The following PHF19 variants were observed in gnomAD, a reference collection of about 807,000 sequenced individuals.
PHF19 encodes the protein polycomb like 3.
A neutral mutation model predicts 79.8 loss-of-function variants in PHF19; 21 were observed. That is an observed-to-expected ratio of 0.26 (90% CI 0.19 to 0.38). The LOEUF (loss-of-function observed/expected upper bound fraction) is 0.38, where lower values mean the gene tolerates loss of function less well. Among genes scored for constraint, PHF19 ranks in the 10% least tolerant of loss-of-function variants. PHF19 has a pLI of 1.00. For missense variants in PHF19, 445 were observed against 744.2 expected, an observed-to-expected ratio of 0.60 and a Z score of 4.68; for synonymous variants, 273 against 296.3, an observed-to-expected ratio of 0.92 and a Z score of 0.81.
chr9:120,856,096 C>G lies in PHF19; in HGVS notation c.*1848G>C, dbSNP rs1352388037. The G allele has an allele frequency of 6.5e-6, 1 of 152,710 alleles. No individual in the cohort carries two copies. Among genetic ancestry groups the G allele is most frequent in the Non-Finnish European group, 1.5e-5 (1 of 68,112 alleles). 9.5% of individuals were successfully genotyped at this position (152,710 alleles called of 1,614,324 possible). A position where few individuals can be genotyped will look rare whatever the true frequency, so the allele number is the denominator to read the frequency against. The stretch of plus-strand genomic sequence containing the variant: ...TGGGCTAGGGGTTGGCTTCTCAGCT[C>G]CCCTTCCACCTGGCCCTAGTTGGCC... On this transcript the variant is annotated 3_prime_UTR_variant, in exon 15 of 15. Transcript: ENST00000373896.
At position 120,870,743 on chromosome 9, in the gene PHF19, C is replaced by A. The variant is rs966786715; in HGVS notation, c.269-205G>T. Among the ~76,000 whole-genome samples the A allele has an allele frequency of 1.3e-5, 2 of 152,160 alleles. No individual in the cohort carries two copies. Among genetic ancestry groups the A allele is most frequent in the Non-Finnish European group, 2.9e-5 (2 of 68,032 alleles). ...AAATTGAGGCTCTGAAAGGTTAAGTCCCTTGCTTAGCTAGTAAGTAGGTGA... is the reference window on the plus strand; with the variant it reads ...AAATTGAGGCTCTGAAAGGTTAAGTACCTTGCTTAGCTAGTAAGTAGGTGA... On this transcript the variant is annotated intron_variant, in intron 3 of 14. Transcript: ENST00000373896. The surrounding 1 kb of genome is among the most constrained non-coding windows in gnomAD (Gnocchi z 4.4).
chr9:120,882,132 G>A (rs891957252), upstream of PHF19, among the ~76,000 whole-genome samples: 1 of 152,210 alleles, frequency 6.6e-6, no homozygotes, highest in Non-Finnish European at 1.5e-5. Flanking sequence ...TTTTGCAGGG[G>A]ATGAAATGGA....
upstream of PHF19, among the ~76,000 whole-genome samples, chr9:120,895,514 C>CA (rs1159828360): frequency 6.7e-6 from 1 of 150,040 alleles, no homozygotes. Context: ...ACAAAAACAA[C>CA]AAAAAACCCC....
intron 14 of PHF19, among the ~76,000 whole-genome samples, chr9:120,859,239 T>TC (rs1219766708): frequency 6.7e-6 from 1 of 149,770 alleles, no homozygotes; most frequent in Admixed American, 6.6e-5. Flanking sequence ...TCCTTTTTTT[T>TC]TTTTTTTTTT....
chr9:120,863,563 C>A (rs1350566493), intron 10 of PHF19, among the ~76,000 whole-genome samples: 1 of 152,154 alleles, frequency 6.6e-6, no homozygotes, highest in African/African-American at 2.4e-5. Context: ...AAAGGGACAG[C>A]GGCAGAGGAC....
In PHF19 at chr9:120,870,575, C is replaced by T; in HGVS notation, c.269-37G>A. 5 of 1,247,428 alleles carry T rather than the reference C, an allele frequency of 4.0e-6. No individual in the cohort carries two copies. The highest frequency in any genetic ancestry group is 5.9e-6 in the Non-Finnish European group (5 of 845,328). 77.3% of individuals were successfully genotyped at this position (1,247,428 alleles called of 1,614,324 possible). A position where few individuals can be genotyped will look rare whatever the true frequency, so the allele number is the denominator to read the frequency against. ...GGCCTCGAGGGTCGGGTCCAGCTCA[C>T]AGGAATGGAAGTTTTATACTCACAT... On this transcript the variant is annotated intron_variant, in intron 3 of 14. Transcript: ENST00000373896. The surrounding 1 kb of genome is among the most constrained non-coding windows in gnomAD (Gnocchi z 4.4).
At chr9:120,896,514 C>T (rs1202696376), upstream of PHF19, among the ~76,000 whole-genome samples, 12 of 142,966 alleles carry the variant, frequency 8.4e-5, no homozygotes, top group Non-Finnish European at 1.2e-4. Flanking sequence ...TGCAGTGGCG[C>T]GATCTCGACT....
chr9:120,866,903 T>C lies in PHF19; in HGVS notation c.677A>G (p.Gln226Arg). Residue 226 changes from glutamine to arginine, a missense_variant, in exon 7 of 15, where the codon CAG (glutamine) becomes CGG (arginine). By Grantham distance (43) the Gln-to-Arg change is conservative. Transcript: ENST00000373896. The surrounding 1 kb of genome is among the most constrained non-coding windows in gnomAD (Gnocchi z 5.2). Reference sequence around the variant, plus strand: ...AAACATCATGGGCTCATTGAGGCACTGGGTGCAGGCCTCGTGGAACCACTG... The same window carrying C: ...AAACATCATGGGCTCATTGAGGCACCGGGTGCAGGCCTCGTGGAACCACTG... ...CRQWFHEACT[Q>R]CLNEPMMFGD... 6.2e-7 allele frequency: 1 copy of C among 1,611,648 alleles called. No individual in the cohort carries two copies. The highest frequency in any genetic ancestry group is 8.5e-7 in the Non-Finnish European group (1 of 1,177,720).
chr9:120,867,009 A>C (rs757553455), intron 6 of PHF19, 44 bp from the exon 7 acceptor site: 3 of 1,167,864 alleles, frequency 2.6e-6, no homozygotes, highest in African/African-American at 3.0e-5. Context: ...CCACACCCCC[A>C]GTCAGGTATG....
rs2046335965 is a variant in PHF19 at position 120,891,033 on chromosome 9, T to C, written c.42+3755A>G. On this transcript the variant is annotated intron_variant, in intron 1 of 14. Coordinates refer to the PHF19 transcript ENST00000616568. This position sits in a 1 kb window ranked among gnomAD's most constrained non-coding sequence, Gnocchi z 4.3. The stretch of plus-strand genomic sequence containing the variant: ...GCCTCAGAGCCTTGGACTGTGTTTT[T>C]GCCTTGATGGGGATTTTCCTTCCCC... Among the ~76,000 whole-genome samples the C allele has an allele frequency of 6.6e-6, 1 of 152,200 alleles. No individual in the cohort carries two copies. Among genetic ancestry groups the C allele is most frequent in the African/African-American group, 2.4e-5 (1 of 41,452 alleles).
intron 1 of PHF19, chr9:120,876,314 C>T (rs2046049087): frequency 6.6e-6 from 1 of 152,238 alleles, no homozygotes; most frequent in South Asian, 2.1e-4. Flanking sequence ...GCGAGGTCCC[C>T]GCCCGCCCGG....
chr9:120,887,083 G>T (rs2131592096), intron 1 of PHF19, among the ~76,000 whole-genome samples: 1 of 150,372 alleles, frequency 6.7e-6, no homozygotes, highest in East Asian at 2.0e-4. Flanking sequence ...AAAAAGAAAA[G>T]AAAAGAAAAG....
In PHF19 at chr9:120,874,868, T is replaced by C; in HGVS notation, c.-15-112A>G. The C allele has an allele frequency of 1.5e-6, 1 of 647,620 alleles. No homozygotes were observed. The highest frequency in any genetic ancestry group is 2.7e-6 in the Non-Finnish European group (1 of 369,920). 40.1% of individuals were successfully genotyped at this position (647,620 alleles called of 1,614,324 possible). The stretch of plus-strand genomic sequence containing the variant: ...ACCCTGTGCTATAAGCCAGACTTGG[T>C]TATTATCTCACTGATTCCTCGTGAC... On this transcript the variant is annotated intron_variant, in intron 1 of 14. Transcript: ENST00000373896. The surrounding 1 kb of genome is among the most constrained non-coding windows in gnomAD (Gnocchi z 4.5).
At chr9:120,880,665 T>G (rs1317809275), upstream of PHF19, among the ~76,000 whole-genome samples, 3 of 152,152 alleles carry the variant, frequency 2.0e-5, no homozygotes, top group Non-Finnish European at 4.4e-5. Context: ...ATAAAAAATG[T>G]TTCTTAACGC....
chr9:120,881,911 G>C (rs1004946174), upstream of PHF19, among the ~76,000 whole-genome samples: 1 of 152,168 alleles, frequency 6.6e-6, no homozygotes, highest in Admixed American at 6.5e-5. Context: ...CCAGGTGCAC[G>C]CTATCACGCC....
chr9:120,877,938 C>T (rs1326247953), upstream of PHF19, among the ~76,000 whole-genome samples: 1 of 152,106 alleles, frequency 6.6e-6, no homozygotes, highest in African/African-American at 2.4e-5. Flanking sequence ...GTAAGGTAGA[C>T]GGACATAACA....
chr9:120,865,854 G>C, intron 8 of PHF19, 24 bp from the exon 9 acceptor site: 1 of 1,613,930 alleles, frequency 6.2e-7, no homozygotes, highest in Non-Finnish European at 8.5e-7. Flanking sequence ...CAAGGAGGTG[G>C]GACCAGGTGA....
chr9:120,860,160 A>C lies in PHF19; in HGVS notation c.1330T>G (p.Ser444Ala). 6.3e-7 allele frequency: 1 copy of C among 1,596,536 alleles called. No individual in the cohort carries two copies. Among genetic ancestry groups the C allele is most frequent in the Non-Finnish European group, 8.5e-7 (1 of 1,171,116 alleles). Reference sequence around the variant, plus strand: ...GCAGCGTCGGTGGAGTCGACATCTGAGAAGAAGGTCTGGCCTGAGCTGGCA... The same window carrying C: ...GCAGCGTCGGTGGAGTCGACATCTGCGAAGAAGGTCTGGCCTGAGCTGGCA... The part of the protein sequence containing the change: ...KSASSGQTFF[S>A]DVDSTDAAST... The change falls in exon 14 of 15, where the codon TCA (serine) becomes GCA (alanine). Residue 444 changes from serine (S) to alanine (A), a missense_variant. Physicochemically the swap from Ser to Ala is moderately conservative, Grantham distance 99. Transcript: ENST00000373896. This position sits in a 1 kb window ranked among gnomAD's most constrained non-coding sequence, Gnocchi z 4.1.
chr9:120,866,942 C>T lies in PHF19; in HGVS notation c.638G>A (p.Cys213Tyr). The T allele has an allele frequency of 6.2e-7, 1 of 1,610,886 alleles. No individual in the cohort carries two copies. The highest frequency in any genetic ancestry group is 8.5e-7 in the Non-Finnish European group (1 of 1,177,022). Residue 213 changes from cysteine to tyrosine, a missense_variant, in exon 7 of 15, where the codon TGT (cysteine) becomes TAT (tyrosine). Cys to Tyr is a radical substitution (Grantham distance 194, BLOSUM62 -2). Around this residue, in one of 5 missense-constraint regions of PHF19, gnomAD observed 167 missense variants for 375.8 expected, o/e 0.44. Transcript: ENST00000373896. The surrounding 1 kb of genome is among the most constrained non-coding windows in gnomAD (Gnocchi z 5.2). ...PGEWYLRMLQ[C>Y]YRCRQWFHEA... ...GTGGAACCACTGCCTGCACCGGTAA[C>T]ATTGCAGCATCCGCAGGTACCATCT...
Sources: allele counts gnomAD v4.1 joint callset (sites outside exome capture counted in the v4.1 genomes callset), GRCh38; gene constraint gnomAD v4.1.1; regional missense constraint gnomAD v4.1.1; non-coding constraint Gnocchi (gnomAD v3.1); transcripts MANE v1.5; gene names NCBI Gene and HGNC (gene_info 2026-07-23, HGNC 2026-07-21).